Variants in FBRS observed in about 807,000 individuals in gnomAD.
FBRS encodes probable fibrosin-1.
FBRS carries 15 observed loss-of-function variants against 86.1 expected under a neutral mutation model. The ratio of observed to expected loss-of-function variants is 0.17; its 90% CI spans 0.12 to 0.27. FBRS has a LOEUF of 0.27. Among genes scored for constraint, FBRS ranks in the 10% least tolerant of loss-of-function variants. The pLI is 1.00. For synonymous variants in FBRS, 666 were observed against 575.8 expected (o/e 1.16, Z -2.24); for missense variants, 1,367 against 1,301.6 (o/e 1.05, Z -0.77).
Position 30,666,497 on chromosome 16 carries a change from C to T in FBRS, c.1774-15C>T, listed in dbSNP as rs954580232. On this transcript the variant is annotated splice_polypyrimidine_tract_variant and intron_variant, in intron 11 of 17. Coordinates refer to ENST00000356166, the MANE Select transcript of FBRS (RefSeq NM_001105079.3). The stretch of plus-strand genomic sequence containing the variant: ...GGGTCTGAGTCGCCTCCCATCTCTC[C>T]TTTGCCATCCCCAGATCCCCGACCA... 4 of 1,614,030 alleles carry T rather than the reference C, an allele frequency of 2.5e-6. No individual in the cohort carries two copies. The highest frequency in any genetic ancestry group is 1.6e-4 in the Middle Eastern group (1 of 6,062).
At position 30,665,683 on chromosome 16, in the gene FBRS, G is replaced by T; in HGVS notation, c.1750G>T (p.Gly584Trp). The T allele has an allele frequency of 6.3e-7, 1 of 1,588,904 alleles. No individual in the cohort carries two copies. Residue 584 changes from glycine (G) to tryptophan (W), a missense_variant, in exon 11 of 18, where the codon GGG becomes TGG. This residue lies in a region of FBRS where 659 missense variants were observed against 678.8 expected (regional missense o/e 0.97). Transcript: ENST00000356166. The surrounding 1 kb of genome is among the most constrained non-coding windows in gnomAD (Gnocchi z 4.1). ...LPPRLGPVPS[G>W]LSQKGTQIPD... ...ACCACGACTGGGGCCGGTGCCGAGCGGGCTCTCCCAGAAGGGGACACAGGT... is the reference window on the plus strand; with the variant it reads ...ACCACGACTGGGGCCGGTGCCGAGCTGGCTCTCCCAGAAGGGGACACAGGT...
At chr16:30,660,214 G>T in intron 1 of FBRS, 49 bp from the exon 2 acceptor site, 1 of 1,341,748 alleles carries the variant, frequency 7.5e-7, no homozygotes, top group South Asian at 2.1e-5. Flanking sequence ...TAGAGGGGTT[G>T]GGAGCTTGCC....
chr16:30,663,262 C>T (rs774828138), intron 6 of FBRS, among the ~76,000 whole-genome samples: 1 of 152,152 alleles, frequency 6.6e-6, no homozygotes, highest in Non-Finnish European at 1.5e-5. Flanking sequence ...CTCTGAGCCT[C>T]GATTTCCTCT....
chr16:30,661,252 C>G, intron 3 of FBRS, 37 bp downstream of exon 3: 1 of 1,550,876 alleles, frequency 6.4e-7, no homozygotes, highest in Non-Finnish European at 8.7e-7. Flanking sequence ...CCTCCCTGCT[C>G]CACCCTGGGC....
At chr16:30,661,395 A>C in intron 4 of FBRS, 62 bp downstream of exon 4, 1 of 1,550,536 alleles carries the variant, frequency 6.4e-7, no homozygotes, top group Non-Finnish European at 8.7e-7. Context: ...TGCAGCATAA[A>C]GGTCTTCTGC....
chr16:30,665,988 C>T lies in FBRS; in HGVS notation c.1773+282C>T, dbSNP rs1259294214. 8.5e-6 allele frequency: 4 copies of T among 472,956 alleles called. No individual in the cohort carries two copies. Among genetic ancestry groups the T allele is most frequent in the South Asian group, 5.7e-5 (2 of 35,048 alleles). 29.3% of individuals were successfully genotyped at this position (472,956 alleles called of 1,614,324 possible). ...TACAAAACACTTTTTTTCCAAATGA[C>T]ATCATACCAGGAAGCCCTGTTCGGA... On this transcript the variant is annotated intron_variant, in intron 11 of 17. Coordinates refer to ENST00000356166, the MANE Select transcript of FBRS (RefSeq NM_001105079.3). The surrounding 1 kb of genome is among the most constrained non-coding windows in gnomAD (Gnocchi z 4.1).
chr16:30,668,143 G>A (rs921826921), intron 15 of FBRS: 3 of 206,714 alleles, frequency 1.5e-5, no homozygotes, highest in Admixed American at 1.1e-4. Flanking sequence ...CAGGTGGGGG[G>A]AAGCCAACAA....
rs769946539 is a variant in FBRS, at chr16:30,662,519, A to G, written c.755-40A>G. 19 of 1,550,358 alleles carry G rather than the reference A, an allele frequency of 1.2e-5. No homozygotes were observed. In the South Asian group the frequency reaches 2.3e-4, roughly 18 times the overall value. On this transcript the variant is annotated intron_variant, in intron 5 of 17. Transcript: ENST00000356166. ...GGCACGGGAGGGCAGTGGGGTGAGC[A>G]TGAGCCTCAACTGAGCATGTCTGCC... is the stretch of plus-strand genomic sequence containing the variant.
Position 30,669,073 on chromosome 16 carries a change from C to T in FBRS, c.2371C>T (p.Leu791Phe), listed in dbSNP as rs765018102. 1 of 1,601,062 alleles carries T rather than the reference C, an allele frequency of 6.2e-7. No individual in the cohort carries two copies. Among genetic ancestry groups the T allele is most frequent in the South Asian group, 1.1e-5 (1 of 88,420 alleles). ...CTCCCCACGCCTGCCCTCCAGGGAC[C>T]TCCCCTTCTCACGGCCCCAGCTCCG... is the stretch of plus-strand genomic sequence containing the variant. ...SITKEEKDRDLPFSRPQLRVS... is the reference protein window; with the variant it reads ...SITKEEKDRDFPFSRPQLRVS... Residue 791 changes from leucine to phenylalanine, a missense_variant, in exon 18 of 18, where the codon CTC becomes TTC. By Grantham distance (22) the Leu-to-Phe change is conservative (BLOSUM62 0). Transcript: ENST00000356166. The surrounding 1 kb of genome is among the most constrained non-coding windows in gnomAD (Gnocchi z 5.9).
intron 16 of FBRS, 22 bp downstream of exon 16, chr16:30,668,665 T>TGGCGGG (rs1555520068): frequency 8.2e-6 from 12 of 1,457,386 alleles, no homozygotes; most frequent in Non-Finnish European, 1.1e-5. Context: ...TGCGGTGGGG[T>TGGCGGG]GGGGGGGCTG....
At position 30,669,232 on chromosome 16, in the gene FBRS, G is replaced by GCCA; in HGVS notation, c.2532_2533insACC (p.Ala844_Ala845insThr). On this transcript the variant is annotated inframe_insertion, in exon 18 of 18. Coordinates refer to ENST00000356166, the MANE Select transcript of FBRS (RefSeq NM_001105079.3). The surrounding 1 kb of genome is among the most constrained non-coding windows in gnomAD (Gnocchi z 5.9). ...TGCCGCTGCTGCTGCCGCCGCCGCT[G>GCCA]CCGCCGCCGCAGCAGCCACTGGGCC... is the stretch of plus-strand genomic sequence containing the variant. The GCCA allele has an allele frequency of 6.5e-7, 1 of 1,548,616 alleles. No individual in the cohort carries two copies. The highest frequency in any genetic ancestry group is 2.0e-5 in the Admixed American group (1 of 50,398).
intron 2 of FBRS, 86 bp downstream of exon 2, chr16:30,660,528 C>G (rs1030436005): frequency 1.6e-6 from 2 of 1,255,818 alleles, no homozygotes; most frequent in Non-Finnish European, 2.0e-6. Flanking sequence ...CCCTTGTAAA[C>G]AGAGACCCCA....
chr16:30,661,393 A>G (rs2052459727), intron 4 of FBRS, 60 bp downstream of exon 4: 1 of 1,550,570 alleles, frequency 6.4e-7, no homozygotes, highest in East Asian at 2.4e-5. Flanking sequence ...ACTGCAGCAT[A>G]AAGGTCTTCT....
In FBRS at chr16:30,665,835, A is replaced by G. The variant is rs1007054967; in HGVS notation, c.1773+129A>G. On this transcript the variant is annotated intron_variant, in intron 11 of 17. Transcript: ENST00000356166. The surrounding 1 kb of genome is among the most constrained non-coding windows in gnomAD (Gnocchi z 4.1). ...AATCGGGTGTTCCTGGGTGTCTAAT[A>G]GAGAGGGAATTTCTGTAAATAGCTG... is the stretch of plus-strand genomic sequence containing the variant. 7.0e-6 allele frequency: 6 copies of G among 852,048 alleles called. No individual in the cohort carries two copies. The Admixed American group carries it at 8.4e-5, about 12-fold the overall frequency. 52.8% of individuals were successfully genotyped at this position (852,048 alleles called of 1,614,324 possible). A position where few individuals can be genotyped will look rare whatever the true frequency, so the allele number is the denominator to read the frequency against.
rs746364060 is a variant in FBRS at position 30,659,959 on chromosome 16, C to T, written c.441C>T (p.Ala147=). ...ATGGCTTCGCCATCGCCAGCTTCGC[C>T]ACCCTCGAGGCCTTGCAGGTGGGGC... The part of the protein sequence containing the change: ...LIDGFAIASF[A]TLEALQKDAS... The change falls in exon 1 of 18, where the codon GCC becomes GCT. Residue 147 remains alanine (A), a synonymous_variant. Transcript: ENST00000356166. 7.1e-6 allele frequency: 11 copies of T among 1,550,282 alleles called. No homozygotes were observed. The South Asian group carries it at 1.2e-4, about 17-fold the overall frequency.
rs779189097 is a variant in FBRS at position 30,669,237 on chromosome 16, C to T, written c.2535C>T (p.Ala845=). The T allele has an allele frequency of 1.2e-5, 18 of 1,550,396 alleles. No homozygotes were observed. Among genetic ancestry groups the T allele is most frequent in the East Asian group, 2.4e-5 (1 of 40,822 alleles). The change falls in exon 18 of 18, where the codon GCC becomes GCT. Residue 845 remains alanine, a synonymous_variant. Transcript: ENST00000356166. This position sits in a 1 kb window ranked among gnomAD's most constrained non-coding sequence, Gnocchi z 5.9. The part of the protein sequence containing the change: ...AAAAAAAAAA[A]AAAATGPQGL... ...CTGCTGCTGCCGCCGCCGCTGCCGC[C>T]GCCGCAGCAGCCACTGGGCCCCAGG...
intron 2 of FBRS, 141 bp from the exon 3 acceptor site, chr16:30,661,039 G>C: frequency 3.8e-6 from 5 of 1,320,458 alleles, no homozygotes; most frequent in Non-Finnish European, 5.2e-6. Flanking sequence ...TGGGACCCGG[G>C]TGGGCAGTGG....
chr16:30,661,037 G>A (rs1419796587), intron 2 of FBRS, 143 bp from the exon 3 acceptor site: 7 of 1,304,680 alleles, frequency 5.4e-6, no homozygotes, highest in African/African-American at 4.4e-5. Context: ...ACTGGGACCC[G>A]GGTGGGCAGT....
At chr16:30,660,903 A>C (rs1292224876) in intron 2 of FBRS, among the ~76,000 whole-genome samples, 3 of 152,070 alleles carry the variant, frequency 2.0e-5, no homozygotes, top group East Asian at 1.9e-4. Context: ...AAAGCCCCCT[A>C]GGATGTCTTA....
Sources: allele counts gnomAD v4.1 joint callset (sites outside exome capture counted in the v4.1 genomes callset), GRCh38; gene constraint gnomAD v4.1.1; regional missense constraint gnomAD v4.1.1; non-coding constraint Gnocchi (gnomAD v3.1); transcripts MANE v1.5; gene names NCBI Gene and HGNC (gene_info 2026-07-23, HGNC 2026-07-21).